The following DIAPH1 variants were observed in gnomAD, a reference collection of about 807,000 sequenced individuals.
The protein encoded by DIAPH1 is protein diaphanous homolog 1.
Under a neutral mutation model 140.7 loss-of-function variants are expected in DIAPH1, and 46 were observed. The ratio of observed to expected loss-of-function variants is 0.33; its 90% CI spans 0.26 to 0.42. DIAPH1 has a LOEUF of 0.42. Among genes scored for constraint, DIAPH1 ranks in the 10% least tolerant of loss-of-function variants. The pLI, the probability that DIAPH1 is intolerant of heterozygous loss-of-function variation, is 1.00. For missense variants in DIAPH1, 1,310 were observed against 1,558.7 expected (o/e 0.84, Z 2.69); for synonymous variants, 565 against 551.6 (o/e 1.02, Z -0.34).
Position 141,573,719 on chromosome 5 carries a change from C to A in DIAPH1, c.2131G>T (p.Ala711Ser). ...PPPPPPLPGE[A>S]GMPPPPPPLP... ...GGGGGAGGAGGAGGTGGCATTCCTG[C>A]TTCTCCAGGCAAGGGAGGAGGTGGG... The change falls in exon 16 of 28, where the codon GCA (alanine) becomes TCA (serine). Residue 711 changes from alanine to serine, a missense_variant. Coordinates refer to ENST00000389054, the MANE Select transcript of DIAPH1 (RefSeq NM_005219.5). 1 of 1,570,202 alleles carries A rather than the reference C, an allele frequency of 6.4e-7. No homozygotes were observed.
In DIAPH1 at chr5:141,527,699, TAAAAAAAAAA is replaced by T. The variant is rs79558427; in HGVS notation, c.3149-12_3149-3del. The T allele has an allele frequency of 9.7e-6, 11 of 1,132,604 alleles. No homozygotes were observed. Among genetic ancestry groups the T allele is most frequent in the African/African-American group, 2.4e-5 (1 of 40,918 alleles). The allele number at this position is 1,132,604 out of a possible 1,614,324, so 70.2% of individuals were successfully genotyped here. A position where few individuals can be genotyped will look rare whatever the true frequency, so the allele number is the denominator to read the frequency against. ...TCTTTTGCAAGTTTTCAGCAGAAAC[TAAAAAAAAAA>T]AAAAAAAAAAAAACCATAAAAACAG... On this transcript the variant is annotated splice_polypyrimidine_tract_variant and splice_region_variant and intron_variant, in intron 23 of 27. Coordinates refer to ENST00000389054, the MANE Select transcript of DIAPH1 (RefSeq NM_005219.5).
At chr5:141,556,785 G>A (rs951677211) in intron 18 of DIAPH1, among the ~76,000 whole-genome samples, 11 of 152,202 alleles carry the variant, frequency 7.2e-5, no homozygotes, top group African/African-American at 2.4e-4. Context: ...TCCGCCTCCC[G>A]GGTTCAAGCA....
chr5:141,587,008 GGAA>G, intron 3 of DIAPH1, 31 bp downstream of exon 3: 1 of 1,612,922 alleles, frequency 6.2e-7, no homozygotes, highest in Non-Finnish European at 8.5e-7. Flanking sequence ...TAAATGCACA[GGAA>G]GAAGCAACAT....
At chr5:141,618,475 G>A (rs1562357875) in intron 1 of DIAPH1, 1 of 258,364 alleles carries the variant, frequency 3.9e-6, no homozygotes, top group South Asian at 5.7e-5. Context: ...GGGTACTGGA[G>A]GAAGAAGAAA....
chr5:141,554,295 A>C (rs2099892210), intron 18 of DIAPH1, among the ~76,000 whole-genome samples: 1 of 152,188 alleles, frequency 6.6e-6, no homozygotes, highest in African/African-American at 2.4e-5. Context: ...TCCCCCCAAA[A>C]AAAGGAATAA....
In DIAPH1 at chr5:141,571,985, C is replaced by T. The variant is rs752824698; in HGVS notation, c.2414G>A (p.Arg805His). Reference protein sequence around the residue: ...DCFWTKVKEDRFENNELFAKL... With the variant: ...DCFWTKVKEDHFENNELFAKL... ...GGCGAAAAGTTCATTGTTCTCAAAGCGGTCCTCCTTCACCTTTGTCCAGAA... is the reference window on the plus strand; with the variant it reads ...GGCGAAAAGTTCATTGTTCTCAAAGTGGTCCTCCTTCACCTTTGTCCAGAA... Residue 805 changes from arginine to histidine, a missense_variant, in exon 17 of 28, where the codon CGC (arginine) becomes CAC (histidine). This residue lies in a region of DIAPH1 where 589 missense variants were observed against 549.3 expected (regional missense o/e 1.07). Transcript: ENST00000389054. 60 of 1,614,052 alleles carry T rather than the reference C, an allele frequency of 3.7e-5. 1 individual carries two copies. The highest frequency in any genetic ancestry group is 5.3e-5 in the African/African-American group (4 of 74,930).
At chr5:141,611,949 C>T (rs2099901910) in intron 1 of DIAPH1, among the ~76,000 whole-genome samples, 1 of 152,174 alleles carries the variant, frequency 6.6e-6, no homozygotes, top group African/African-American at 2.4e-5. Flanking sequence ...CTCCTGTAAT[C>T]CCAGCTACTC....
chr5:141,569,420 A>G (rs2099894823), intron 18 of DIAPH1, among the ~76,000 whole-genome samples: 1 of 152,190 alleles, frequency 6.6e-6, no homozygotes, highest in African/African-American at 2.4e-5. Context: ...CAGCATTCAA[A>G]CTGAACTGGT....
At chr5:141,546,205 A>T (rs2099890774) in intron 18 of DIAPH1, among the ~76,000 whole-genome samples, 1 of 152,130 alleles carries the variant, frequency 6.6e-6, no homozygotes, top group Non-Finnish European at 1.5e-5. Context: ...AACATGGCGA[A>T]ACCCTGTCTC....
In DIAPH1 at chr5:141,584,890, G is replaced by C. The variant is rs568989487; in HGVS notation, c.301-665C>G. Among the ~76,000 whole-genome samples, 6 of 152,240 alleles carry C rather than the reference G, an allele frequency of 3.9e-5. No individual in the cohort carries two copies. In the East Asian group the frequency reaches 1.2e-3, roughly 29 times the overall value. On this transcript the variant is annotated intron_variant, in intron 3 of 27. Transcript: ENST00000389054. ...TTTGAATTGAGAAAAATATGGATGG[G>C]GGGATGTATTCTGTTTCTTCTGCAA...
At chr5:141,606,371 T>A (rs2099900964) in intron 1 of DIAPH1, among the ~76,000 whole-genome samples, 2 of 152,342 alleles carry the variant, frequency 1.3e-5, no homozygotes, top group South Asian at 2.1e-4. Flanking sequence ...CTAAGGGCAC[T>A]GAGTCAAATC....
intron 27 of DIAPH1, chr5:141,518,929 AT>A: frequency 1.3e-6 from 2 of 1,550,588 alleles, no homozygotes; most frequent in South Asian, 2.4e-5. Context: ...AACACGCAGC[AT>A]GCACACAGGT....
At chr5:141,574,609 AGAGT>A (rs1232465312) in intron 15 of DIAPH1, among the ~76,000 whole-genome samples, 2 of 152,220 alleles carry the variant, frequency 1.3e-5, no homozygotes, top group African/African-American at 4.8e-5. Flanking sequence ...TACTGCAGAG[AGAGT>A]GTGTAAGGAT....
At chr5:141,547,443 C>T (rs890365985) in intron 18 of DIAPH1, among the ~76,000 whole-genome samples, 5 of 150,262 alleles carry the variant, frequency 3.3e-5, no homozygotes, top group Non-Finnish European at 7.4e-5. Flanking sequence ...CCAGCCTGGG[C>T]GACAGAGACT....
chr5:141,586,129 A>C (rs969323057), intron 3 of DIAPH1, among the ~76,000 whole-genome samples: 1 of 152,182 alleles, frequency 6.6e-6, no homozygotes, highest in Non-Finnish European at 1.5e-5. Flanking sequence ...GCCATCTTCT[A>C]TCTAGCCTGC....
At chr5:141,578,969 C>T in intron 9 of DIAPH1, 119 bp downstream of exon 9, 1 of 841,192 alleles carries the variant, frequency 1.2e-6, no homozygotes, top group Non-Finnish European at 2.1e-6. Flanking sequence ...ATAACAGATT[C>T]TGAAATGTAA....
chr5:141,578,016 C>T (rs1441906207), intron 11 of DIAPH1: 6 of 630,386 alleles, frequency 9.5e-6, no homozygotes, highest in Non-Finnish European at 1.7e-5. Flanking sequence ...GCTCAACAAC[C>T]CTCAGATCAC....
chr5:141,517,085 A>G (rs2099885798), intron 27 of DIAPH1, 77 bp from the exon 28 acceptor site: 34 of 1,561,260 alleles, frequency 2.2e-5, no homozygotes, highest in Admixed American at 1.1e-4. Flanking sequence ...GCAGATAATC[A>G]GCGTAAGCCA....
chr5:141,529,090 G>A, intron 21 of DIAPH1, 82 bp downstream of exon 21: 15 of 1,545,326 alleles, frequency 9.7e-6, no homozygotes, highest in Non-Finnish European at 1.3e-5. Flanking sequence ...CAAGCGGCAA[G>A]GAGCATATGC....
Sources: allele counts gnomAD v4.1 joint callset (sites outside exome capture counted in the v4.1 genomes callset), GRCh38; gene constraint gnomAD v4.1.1; regional missense constraint gnomAD v4.1.1; transcripts MANE v1.5; gene names NCBI Gene and HGNC (gene_info 2026-07-23, HGNC 2026-07-21).